NTM: variants seen among roughly 807,000 people sequenced by gnomAD.
The protein encoded by NTM is IgLON family member 2.
NTM carries 13 observed loss-of-function variants against 42.1 expected under a neutral mutation model. The observed-to-expected ratio is 0.31, with a 90% CI of 0.20 to 0.49. The LOEUF (loss-of-function observed/expected upper bound fraction) is 0.49, where lower values mean the gene tolerates loss of function less well. Among genes scored for constraint, NTM ranks in the 20% least tolerant of loss-of-function variants. NTM has a pLI of 0.99. For synonymous variants in NTM, 187 were observed against 179.2 expected (o/e 1.04, Z -0.35); for missense variants, 373 against 452.8 (o/e 0.82, Z 1.60).
chr11:131,731,146 ACCT>A (rs760735511), intron 1 of NTM, among the ~76,000 whole-genome samples: 1 of 151,652 alleles, frequency 6.6e-6, no homozygotes, highest in East Asian at 1.9e-4. Flanking sequence ...TGTGTGGCGC[ACCT>A]CCTCCTCCTC....
chr11:132,070,408 C>T (rs1235052830), intron 2 of NTM, among the ~76,000 whole-genome samples: 37 of 136,086 alleles, frequency 2.7e-4, no homozygotes, highest in Admixed American at 2.4e-3. Flanking sequence ...TAAGTTAACA[C>T]GTCAAACTGA....
intron 1 of NTM, among the ~76,000 whole-genome samples, chr11:131,864,022 A>G (rs1045502228): frequency 2.0e-5 from 3 of 152,164 alleles, no homozygotes; most frequent in Non-Finnish European, 4.4e-5. Context: ...AATGGAATGC[A>G]TGGAGTGCCC....
At chr11:131,968,897 A>G (rs953352352) in intron 2 of NTM, among the ~76,000 whole-genome samples, 3 of 152,212 alleles carry the variant, frequency 2.0e-5, no homozygotes, top group African/African-American at 7.2e-5. Flanking sequence ...CTTTGGGCCA[A>G]CTGAAAGCCA....
rs192954012 is a variant in NTM at position 131,807,573 on chromosome 11, C to A, written c.83-103991C>A. ...TCATCAGCACAATAGTGCTAGAGCG[C>A]CCACTCACAGTATTGGAGGTGTAAA... On this transcript the variant is annotated intron_variant, in intron 1 of 8. Transcript: ENST00000683400. Among the ~76,000 whole-genome samples the A allele has an allele frequency of 1.4e-4, 22 of 152,254 alleles. No homozygotes were observed. The East Asian group carries it at 3.9e-3, about 27-fold the overall frequency.
intron 1 of NTM, among the ~76,000 whole-genome samples, chr11:131,393,541 C>A (rs1239798507): frequency 1.3e-5 from 2 of 152,212 alleles, no homozygotes; most frequent in South Asian, 2.1e-4. Flanking sequence ...AACCGCCCAT[C>A]CTTCCCTGTG....
intron 4 of NTM, among the ~76,000 whole-genome samples, chr11:132,246,451 C>T (rs1417185140): frequency 1.3e-5 from 2 of 152,214 alleles, no homozygotes; most frequent in African/African-American, 2.4e-5. Context: ...GTGATTCTGC[C>T]GAGGTCACAG....
intron 7 of NTM, chr11:132,317,550 T>A (rs1297677924): frequency 2.0e-6 from 1 of 509,272 alleles, no homozygotes; most frequent in Non-Finnish European, 3.2e-6. Context: ...CAGAAATGTC[T>A]GTGAAAGGCA....
chr11:131,875,378 G>A (rs975902320), intron 1 of NTM, among the ~76,000 whole-genome samples: 1 of 152,182 alleles, frequency 6.6e-6, no homozygotes, highest in Admixed American at 6.5e-5. Context: ...TTGACAGCCT[G>A]GTTGAGGACC....
rs547712259 is a variant in NTM, at chr11:131,985,883, T to C, written c.167+74235T>C. Among the ~76,000 whole-genome samples the C allele has an allele frequency of 1.6e-3, 245 of 152,122 alleles. 1 individual carries two copies. Among genetic ancestry groups the C allele is most frequent in the African/African-American group, 5.7e-3 (235 of 41,476 alleles). On this transcript the variant is annotated intron_variant, in intron 2 of 8. Transcript: ENST00000683400. ...AGGACTGAATTAGGCCTGTAAAGAG[T>C]CTGTCATCAGGACACAGCACATAGT... is the stretch of plus-strand genomic sequence containing the variant.
At chr11:132,045,045 T>C (rs1337516769) in intron 2 of NTM, among the ~76,000 whole-genome samples, 1 of 152,214 alleles carries the variant, frequency 6.6e-6, no homozygotes, top group East Asian at 1.9e-4. Context: ...AGCATTAGCC[T>C]GATACCAAAA....
intron 4 of NTM, among the ~76,000 whole-genome samples, chr11:132,304,100 G>C (rs2094978398): frequency 6.6e-6 from 1 of 152,158 alleles, no homozygotes; most frequent in Admixed American, 6.5e-5. Flanking sequence ...AAACTTGGGT[G>C]AATAGATCAG....
At chr11:131,769,821 A>G (rs1030137158) in intron 1 of NTM, among the ~76,000 whole-genome samples, 2 of 152,224 alleles carry the variant, frequency 1.3e-5, no homozygotes, top group Non-Finnish European at 1.5e-5. Context: ...CTCTGCCTGC[A>G]TATTCCAAAC....
chr11:132,163,334 T>C (rs373432224), intron 3 of NTM, among the ~76,000 whole-genome samples: 5 of 152,296 alleles, frequency 3.3e-5, no homozygotes, highest in African/African-American at 9.6e-5. Flanking sequence ...ATTGTAAATA[T>C]AGCTTCTCAT....
At chr11:131,759,596 T>C (rs1019364397) in intron 1 of NTM, among the ~76,000 whole-genome samples, 1 of 152,018 alleles carries the variant, frequency 6.6e-6, no homozygotes, top group African/African-American at 2.4e-5. Context: ...CACAACCACA[T>C]GAAACACACT....
chr11:131,662,346 G>A (rs368537704), intron 1 of NTM: 12 of 152,064 alleles, frequency 7.9e-5, no homozygotes, highest in East Asian at 3.9e-4. Context: ...CATTTCCTCC[G>A]AAGACACTGT....
chr11:131,694,794 G>A (rs1012328049), intron 1 of NTM, among the ~76,000 whole-genome samples: 1 of 152,216 alleles, frequency 6.6e-6, no homozygotes, highest in African/African-American at 2.4e-5. Flanking sequence ...TTTTAAACAG[G>A]ATCAGGTGAG....
intron 2 of NTM, among the ~76,000 whole-genome samples, chr11:131,939,989 G>C (rs1056510436): frequency 2.0e-5 from 3 of 152,204 alleles, no homozygotes; most frequent in Admixed American, 6.5e-5. Flanking sequence ...TTAGTTGTGT[G>C]TTCTCTCTTG....
intron 2 of NTM, among the ~76,000 whole-genome samples, chr11:132,084,409 CCTG>C (rs1284859226): frequency 6.6e-6 from 1 of 152,046 alleles, no homozygotes; most frequent in East Asian, 1.9e-4. Context: ...TAAAATATAA[CCTG>C]AAGAAGATTA....
intron 1 of NTM, among the ~76,000 whole-genome samples, chr11:131,504,965 A>C (rs967406488): frequency 6.6e-6 from 1 of 152,064 alleles, no homozygotes; most frequent in Non-Finnish European, 1.5e-5. Context: ...GCACTATCTG[A>C]CCTGGCTGGA....
Sources: allele counts gnomAD v4.1 joint callset (sites outside exome capture counted in the v4.1 genomes callset), GRCh38; gene constraint gnomAD v4.1.1; transcripts MANE v1.5; gene names NCBI Gene and HGNC (gene_info 2026-07-23, HGNC 2026-07-21).